Variants in CTNNA3 observed in about 807,000 individuals in gnomAD.
CTNNA3 encodes the protein catenin alpha-3.
Under a neutral mutation model 95.7 loss-of-function variants are expected in CTNNA3, and 76 were observed. The ratio of observed to expected loss-of-function variants is 0.79; its 90% CI spans 0.66 to 0.96. The LOEUF (loss-of-function observed/expected upper bound fraction) is 0.96. CTNNA3 is among the 40% of genes least tolerant of loss of function. CTNNA3 has a pLI of 0.00. For synonymous variants in CTNNA3, 431 were observed against 374.4 expected (o/e 1.15, Z -1.74); for missense variants, 1,191 against 1,089.8 (o/e 1.09, Z -1.31).
chr10:67,710,054 C>T (rs1007838450), intron 1 of CTNNA3, among the ~76,000 whole-genome samples: 3 of 152,042 alleles, frequency 2.0e-5, no homozygotes, highest in African/African-American at 7.2e-5. Context: ...TGAGAAGAAG[C>T]ATTGCTATAG....
At chr10:67,455,270 T>C (rs1847129684) in intron 5 of CTNNA3, among the ~76,000 whole-genome samples, 1 of 152,164 alleles carries the variant, frequency 6.6e-6, no homozygotes, top group South Asian at 2.1e-4. Context: ...TTATCTTCTC[T>C]ATCATATTGT....
At chr10:66,423,638 G>C (rs2093215152) in intron 11 of CTNNA3, among the ~76,000 whole-genome samples, 1 of 152,020 alleles carries the variant, frequency 6.6e-6, no homozygotes. Flanking sequence ...TTAGCCCCAA[G>C]GTAACTTCCC....
intron 9 of CTNNA3, among the ~76,000 whole-genome samples, chr10:66,638,719 G>GT (rs1845417944): frequency 6.6e-6 from 1 of 151,956 alleles, no homozygotes; most frequent in African/African-American, 2.4e-5. Context: ...GTACTTTCTG[G>GT]TATCTCCAGG....
intron 7 of CTNNA3, among the ~76,000 whole-genome samples, chr10:66,854,725 G>T (rs1415438114): frequency 6.8e-6 from 1 of 147,490 alleles, no homozygotes; most frequent in African/African-American, 2.5e-5. Flanking sequence ...GATGTGTGTG[G>T]GTAAAGAAGA....
At chr10:66,100,272 T>C (rs188147781) in intron 14 of CTNNA3, among the ~76,000 whole-genome samples, 6 of 152,250 alleles carry the variant, frequency 3.9e-5, no homozygotes, top group African/African-American at 1.2e-4. Flanking sequence ...AATAGGGTTA[T>C]TGGTCAAGAG....
intron 5 of CTNNA3, among the ~76,000 whole-genome samples, chr10:67,283,220 A>C (rs1839466991): frequency 6.6e-6 from 1 of 152,188 alleles, no homozygotes; most frequent in Non-Finnish European, 1.5e-5. Flanking sequence ...TCAGGCAACC[A>C]TCAGGTGATG....
At chr10:66,073,248 A>G (rs1159523010) in intron 14 of CTNNA3, among the ~76,000 whole-genome samples, 1 of 152,192 alleles carries the variant, frequency 6.6e-6, no homozygotes, top group Non-Finnish European at 1.5e-5. Context: ...TGTATTCTTG[A>G]AACATGCTGA....
intron 11 of CTNNA3, among the ~76,000 whole-genome samples, chr10:66,489,650 G>A (rs966417382): frequency 6.6e-6 from 1 of 152,010 alleles, no homozygotes; most frequent in Non-Finnish European, 1.5e-5. Context: ...CCTAAATGAA[G>A]CCTTCCCTCT....
chr10:67,609,939 A>T (rs1683537029), intron 2 of CTNNA3, among the ~76,000 whole-genome samples: 1 of 152,244 alleles, frequency 6.6e-6, no homozygotes, highest in Non-Finnish European at 1.5e-5. Context: ...AATAATAATA[A>T]GCCTGATTTA....
intron 12 of CTNNA3, among the ~76,000 whole-genome samples, chr10:66,281,731 T>C (rs2091495122): frequency 6.6e-6 from 1 of 151,914 alleles, no homozygotes; most frequent in Non-Finnish European, 1.5e-5. Context: ...TATCTGCTTG[T>C]ATGGCATACC....
chr10:67,174,735 A>G (rs1862161512), intron 7 of CTNNA3, among the ~76,000 whole-genome samples: 1 of 152,120 alleles, frequency 6.6e-6, no homozygotes, highest in African/African-American at 2.4e-5. Flanking sequence ...ATCAGCTCCT[A>G]TATTCCAGCT....
chr10:66,050,347 A>T (rs2079921851), intron 15 of CTNNA3, among the ~76,000 whole-genome samples: 1 of 151,966 alleles, frequency 6.6e-6, no homozygotes, highest in African/African-American at 2.4e-5. Context: ...GTAAAAAAAA[A>T]AATAGCACCA....
chr10:67,281,934 T>C (rs982412209), intron 5 of CTNNA3, among the ~76,000 whole-genome samples: 4 of 152,114 alleles, frequency 2.6e-5, no homozygotes, highest in Non-Finnish European at 5.9e-5. Context: ...ATTCTTCAAA[T>C]AAATATTGAC....
At chr10:66,971,725 C>T (rs1446010386) in intron 7 of CTNNA3, among the ~76,000 whole-genome samples, 1 of 152,106 alleles carries the variant, frequency 6.6e-6, no homozygotes, top group Non-Finnish European at 1.5e-5. Context: ...AATTTGCAGG[C>T]AATTCCTGGC....
chr10:66,719,607 C>T (rs10997353), intron 9 of CTNNA3, among the ~76,000 whole-genome samples: 3,637 of 152,130 alleles, frequency 0.024, 185 homozygotes, highest in East Asian at 0.22. Flanking sequence ...AGAAGTATTG[C>T]AGAGACCAGG....
chr10:66,722,505 A>G (rs1412279278), intron 9 of CTNNA3, among the ~76,000 whole-genome samples: 2 of 152,082 alleles, frequency 1.3e-5, no homozygotes, highest in Non-Finnish European at 2.9e-5. Flanking sequence ...AAAAGAAGTG[A>G]CATCCACTGG....
At chr10:66,973,896 A>G (rs1327169312) in intron 7 of CTNNA3, among the ~76,000 whole-genome samples, 1 of 152,190 alleles carries the variant, frequency 6.6e-6, no homozygotes, top group Non-Finnish European at 1.5e-5. Flanking sequence ...TGCTGGGATT[A>G]CAGGCGTGAA....
chr10:67,347,526 T>C (rs1842470906), intron 5 of CTNNA3, among the ~76,000 whole-genome samples: 1 of 152,200 alleles, frequency 6.6e-6, no homozygotes, highest in South Asian at 2.1e-4. Context: ...ACTACTATGT[T>C]AGGTGCTGGA....
At chr10:67,311,746 T>TA (rs1265093405) in intron 5 of CTNNA3, among the ~76,000 whole-genome samples, 1 of 152,100 alleles carries the variant, frequency 6.6e-6, no homozygotes, top group Non-Finnish European at 1.5e-5. Flanking sequence ...CTTGCACGAA[T>TA]AAATAAAGCA....
Sources: allele counts gnomAD v4.1 joint callset (sites outside exome capture counted in the v4.1 genomes callset), GRCh38; gene constraint gnomAD v4.1.1; transcripts MANE v1.5; gene names NCBI Gene and HGNC (gene_info 2026-07-23, HGNC 2026-07-21).